Variants in FHOD3 observed in about 807,000 individuals in gnomAD.
FHOD3 encodes the protein formin homology 2 domain containing 3.
In FHOD3, 90 loss-of-function variants were observed where a neutral mutation model predicts 173.0. That is an observed-to-expected ratio of 0.52 (90% confidence interval 0.44 to 0.62). FHOD3 has a LOEUF of 0.62. FHOD3 is among the 20% of genes least tolerant of loss of function. The pLI, the probability that FHOD3 is intolerant of heterozygous loss-of-function variation, is 0.00. For synonymous variants in FHOD3, 828 were observed against 823.0 expected, an observed-to-expected ratio of 1.01 and a Z score of -0.10; for missense variants, 1,945 against 2,034.7, an observed-to-expected ratio of 0.96 and a Z score of 0.85.
intron 5 of FHOD3, among the ~76,000 whole-genome samples, chr18:36,547,719 C>G (rs2057469737): frequency 6.6e-6 from 1 of 152,200 alleles, no homozygotes; most frequent in Non-Finnish European, 1.5e-5. Context: ...GGGAGCTGCT[C>G]ACCCGCAGAT....
intron 3 of FHOD3, among the ~76,000 whole-genome samples, chr18:36,412,176 A>G (rs763741449): frequency 6.6e-6 from 1 of 152,196 alleles, no homozygotes. Flanking sequence ...GATGGGTTGC[A>G]GGGGATTGAA....
intron 3 of FHOD3, among the ~76,000 whole-genome samples, chr18:36,394,748 TTTG>T (rs998123704): frequency 4.6e-5 from 7 of 152,264 alleles, no homozygotes; most frequent in African/African-American, 1.2e-4. Context: ...GGAAGCCCAG[TTTG>T]TTGTTGTTGT....
chr18:36,582,382 A>T (rs1006341918), intron 6 of FHOD3, among the ~76,000 whole-genome samples: 1 of 152,212 alleles, frequency 6.6e-6, no homozygotes, highest in Non-Finnish European at 1.5e-5. Context: ...AGAGATGGCA[A>T]TGTCATGTTA....
intron 3 of FHOD3, among the ~76,000 whole-genome samples, chr18:36,446,707 G>A (rs962177601): frequency 1.2e-4 from 18 of 152,090 alleles, no homozygotes; most frequent in Admixed American, 9.8e-4. Context: ...AACTTGGCTC[G>A]TGTTCTTGTT....
intron 1 of FHOD3, among the ~76,000 whole-genome samples, chr18:36,312,746 G>A (rs1347358089): frequency 3.3e-5 from 5 of 152,234 alleles, no homozygotes; most frequent in Non-Finnish European, 5.9e-5. Context: ...TTGAGAAAGT[G>A]TCAGTCACAT....
At chr18:36,349,074 G>A (rs933470058) in intron 1 of FHOD3, among the ~76,000 whole-genome samples, 1 of 152,202 alleles carries the variant, frequency 6.6e-6, no homozygotes, top group Admixed American at 6.5e-5. Context: ...AGTTTGGCCA[G>A]TTTCTCCTGG....
intron 5 of FHOD3, among the ~76,000 whole-genome samples, chr18:36,558,030 G>A (rs1043219967): frequency 3.9e-5 from 6 of 152,188 alleles, no homozygotes; most frequent in Admixed American, 1.3e-4. Context: ...GAATAGCTGT[G>A]TATGAATGCT....
rs537222192 is a variant in FHOD3, at chr18:36,625,904, T to C, written c.1196+155T>C. Among the ~76,000 whole-genome samples the C allele has an allele frequency of 2.6e-5, 4 of 152,186 alleles. No individual in the cohort carries two copies. The East Asian group carries it at 7.7e-4, about 29-fold the overall frequency. On this transcript the variant is annotated intron_variant, in intron 10 of 28. Transcript: ENST00000590592. Reference sequence around the variant, plus strand: ...TGACCATTAAACCACCAGCCAAACATCTCGGTGGATTTCCCACACAGGGTG... The same window carrying C: ...TGACCATTAAACCACCAGCCAAACACCTCGGTGGATTTCCCACACAGGGTG...
At chr18:36,519,250 G>T (rs1374701604) in intron 5 of FHOD3, among the ~76,000 whole-genome samples, 1 of 152,296 alleles carries the variant, frequency 6.6e-6, no homozygotes. Flanking sequence ...GGCCTGCCAG[G>T]CCACAGGATA....
At chr18:36,533,942 T>C (rs1337420425) in intron 5 of FHOD3, among the ~76,000 whole-genome samples, 1 of 152,156 alleles carries the variant, frequency 6.6e-6, no homozygotes, top group Admixed American at 6.5e-5. Flanking sequence ...GAAGGCCATC[T>C]GGACTAACTT....
chr18:36,664,809 A>AGAGAGAGAGAGAGATT (rs1435825303), intron 14 of FHOD3, among the ~76,000 whole-genome samples: 1 of 150,524 alleles, frequency 6.6e-6, no homozygotes, highest in Non-Finnish European at 1.5e-5. Flanking sequence ...AGAGAGAGAG[A>AGAGAGAGAGAGAGATT]GAGAGATTGA....
At chr18:36,433,397 C>T (rs1453064318) in intron 3 of FHOD3, among the ~76,000 whole-genome samples, 1 of 152,218 alleles carries the variant, frequency 6.6e-6, no homozygotes, top group African/African-American at 2.4e-5. Flanking sequence ...CTCAAGTTCA[C>T]TCACTTAGTA....
chr18:36,388,433 T>C lies in FHOD3; in HGVS notation c.337+15689T>C, dbSNP rs72886031. ...AGTCCCACTGTGACTGTCTGGGCCA[T>C]AGCTAGCGCCAGTTGTGTTCATGTC... is the stretch of plus-strand genomic sequence containing the variant. On this transcript the variant is annotated intron_variant, in intron 3 of 28. Transcript: ENST00000590592. Among the ~76,000 whole-genome samples the C allele has an allele frequency of 3.6e-3, 541 of 152,348 alleles. 2 individuals carry two copies. Among genetic ancestry groups the C allele is most frequent in the Non-Finnish European group, 5.5e-3 (371 of 68,044 alleles).
At chr18:36,642,845 T>C (rs570677994) in intron 10 of FHOD3, among the ~76,000 whole-genome samples, 1 of 152,252 alleles carries the variant, frequency 6.6e-6, no homozygotes, top group South Asian at 2.1e-4. Flanking sequence ...TACTTAAATA[T>C]GTGTTTATCA....
chr18:36,339,929 C>G (rs569737639), intron 1 of FHOD3, among the ~76,000 whole-genome samples: 24 of 152,280 alleles, frequency 1.6e-4, no homozygotes, highest in South Asian at 4.1e-4. Context: ...CTGAGTGACC[C>G]TATGCATAAA....
chr18:36,763,523 A>G lies in FHOD3; in HGVS notation c.4624+2741A>G. 2.2e-5 allele frequency among the ~76,000 whole-genome samples: 3 copies of G among 138,098 alleles called. 1 individual carries two copies. Among genetic ancestry groups the G allele is most frequent in the Admixed American group, 7.3e-5 (1 of 13,620 alleles). 90.6% of individuals were successfully genotyped at this position (138,098 alleles called of 152,430 possible). On this transcript the variant is annotated intron_variant, in intron 27 of 28. Transcript: ENST00000590592. ...ATAATATGTGTATTATACACGTTAT[A>G]TATAATATGTGTATTATACACGTTA...
intron 10 of FHOD3, among the ~76,000 whole-genome samples, chr18:36,629,707 G>A (rs1599949969): frequency 6.6e-6 from 1 of 152,310 alleles, no homozygotes; most frequent in East Asian, 1.9e-4. Flanking sequence ...CCAGGGCACA[G>A]AGGAAGATTG....
chr18:36,340,639 T>G (rs2045564177), intron 1 of FHOD3, among the ~76,000 whole-genome samples: 1 of 85,508 alleles, frequency 1.2e-5, no homozygotes, highest in African/African-American at 2.8e-5. Flanking sequence ...TCCTTTTCTT[T>G]TTTTTTCTTT....
At chr18:36,446,587 T>C (rs769427688) in intron 3 of FHOD3, among the ~76,000 whole-genome samples, 3 of 152,032 alleles carry the variant, frequency 2.0e-5, no homozygotes, top group African/African-American at 2.4e-5. Context: ...TGCAAGTAAG[T>C]AGAGAGAATT....
Sources: allele counts gnomAD v4.1 joint callset (sites outside exome capture counted in the v4.1 genomes callset), GRCh38; gene constraint gnomAD v4.1.1; transcripts MANE v1.5; gene names NCBI Gene and HGNC (gene_info 2026-07-23, HGNC 2026-07-21).